Variants in TMEM67 observed in about 807,000 individuals in gnomAD.
TMEM67 encodes transmembrane protein 67.
A neutral mutation model predicts 136.6 loss-of-function variants in TMEM67; 124 were observed. The ratio of observed to expected loss-of-function variants is 0.91; its 90% confidence interval spans 0.78 to 1.05. The LOEUF is 1.05. Ranked by LOEUF, TMEM67 falls within the 50% of genes least tolerant of loss-of-function variation. The pLI is 0.00. For missense variants in TMEM67, 1,107 were observed against 1,178.4 expected (o/e 0.94, Z 0.89); for synonymous variants, 364 against 390.5 (o/e 0.93, Z 0.80).
At chr8:93,822,613 A>G (rs1809057394), downstream of TMEM67, among the ~76,000 whole-genome samples, 1 of 152,144 alleles carries the variant, frequency 6.6e-6, no homozygotes, top group Non-Finnish European at 1.5e-5. Flanking sequence ...CATTCTCCCC[A>G]TCTTCCACTT....
chr8:93,766,928 T>G, intron 6 of TMEM67, among the ~76,000 whole-genome samples: 1 of 152,226 alleles, frequency 6.6e-6, no homozygotes, highest in Non-Finnish European at 1.5e-5. Flanking sequence ...CTTCTCCAGA[T>G]TGGAGTGAAT....
At chr8:93,781,908 T>C (rs1469314028) in intron 10 of TMEM67, among the ~76,000 whole-genome samples, 164 bp downstream of exon 10, 2 of 151,394 alleles carry the variant, frequency 1.3e-5, no homozygotes, top group African/African-American at 4.9e-5. Flanking sequence ...TGTTTGTTTG[T>C]TTGTTTGTTT....
chr8:93,816,376 T>G lies in TMEM67; in HGVS notation c.2912T>G (p.Phe971Cys), dbSNP rs1299643188. The G allele has an allele frequency of 6.6e-7, 1 of 1,513,688 alleles. No individual in the cohort carries two copies. Among genetic ancestry groups the G allele is most frequent in the African/African-American group, 1.4e-5 (1 of 72,588 alleles). The allele number at this position is 1,513,688 out of a possible 1,614,324, so 93.8% of individuals were successfully genotyped here. A position where few individuals can be genotyped will look rare whatever the true frequency, so the allele number is the denominator to read the frequency against. Reference sequence around the variant, plus strand: ...TGAATTGTTTTAATTTTCCAGATTTTTAGATATATCCGTAATACAGTAGGA... The same window carrying G: ...TGAATTGTTTTAATTTTCCAGATTTGTAGATATATCCGTAATACAGTAGGA... ...SFLTYLQQEIFRYIRNTVGQK... is the reference protein window; with the variant it reads ...SFLTYLQQEICRYIRNTVGQK... The change falls in exon 28 of 28, where the codon TTT becomes TGT. Residue 971 changes from phenylalanine to cysteine, a missense_variant. Coordinates refer to ENST00000453321, the MANE Select transcript of TMEM67 (RefSeq NM_153704.6).
At chr8:93,800,064 C>T (rs989575279) in intron 21 of TMEM67, among the ~76,000 whole-genome samples, 4 of 152,000 alleles carry the variant, frequency 2.6e-5, no homozygotes, top group African/African-American at 7.2e-5. Context: ...CCCACCACTA[C>T]ATCCAGATAA....
chr8:93,826,359 G>C, the TMEM67 span, among the ~76,000 whole-genome samples: 1 of 151,874 alleles, frequency 6.6e-6, no homozygotes, highest in African/African-American at 2.4e-5. Flanking sequence ...TTGATCTCCT[G>C]ACCTCATGAT....
At chr8:93,803,399 C>G (rs1376470679) in intron 21 of TMEM67, among the ~76,000 whole-genome samples, 1 of 152,148 alleles carries the variant, frequency 6.6e-6, no homozygotes, top group African/African-American at 2.4e-5. Flanking sequence ...AAATAGGCTC[C>G]CTCAATGACT....
In TMEM67 at chr8:93,780,938, T is replaced by C. The variant is rs864622335; in HGVS notation, c.934T>C (p.Ser312Pro). ...AGGATTAGCACCTCAAGTGCTCAGTTCTACCTCTCTTCCTACAAATTTCAG... is the reference window on the plus strand; with the variant it reads ...AGGATTAGCACCTCAAGTGCTCAGTCCTACCTCTCTTCCTACAAATTTCAG... ...QLGLAPQVLSSTSLPTNFSFK... is the reference protein window; with the variant it reads ...QLGLAPQVLSPTSLPTNFSFK... Residue 312 changes from serine to proline, a missense_variant, in exon 9 of 28, where the codon TCT becomes CCT. By Grantham distance (74) the Ser-to-Pro change is moderately conservative. Coordinates refer to ENST00000453321, the MANE Select transcript of TMEM67 (RefSeq NM_153704.6). 11 of 1,612,088 alleles carry C rather than the reference T, an allele frequency of 6.8e-6. No homozygotes were observed. The highest frequency in any genetic ancestry group is 8.5e-6 in the Non-Finnish European group (10 of 1,179,732).
rs1022482691 is a variant in TMEM67, at chr8:93,815,664, A to G, written c.2907+217A>G. On this transcript the variant is annotated intron_variant, in intron 27 of 27. Transcript: ENST00000453321. ...GAAATACTGGGGTCTAGTGGAGGGC[A>G]TAAGTTGCTTGATTATACATGGAAG... Among the ~76,000 whole-genome samples, 5 of 152,224 alleles carry G rather than the reference A, an allele frequency of 3.3e-5. No individual in the cohort carries two copies. Among genetic ancestry groups the G allele is most frequent in the African/African-American group, 4.8e-5 (2 of 41,464 alleles).
chr8:93,785,112 A>T, intron 11 of TMEM67, 110 bp from the exon 12 acceptor site: 2 of 769,298 alleles, frequency 2.6e-6, no homozygotes, highest in South Asian at 1.6e-5. Context: ...CACTCTGAAG[A>T]TAATAAATAT....
At chr8:93,768,272 A>G (rs1270700780) in intron 6 of TMEM67, among the ~76,000 whole-genome samples, 2 of 124,220 alleles carry the variant, frequency 1.6e-5, no homozygotes, top group African/African-American at 7.3e-5. Context: ...ATATACACAT[A>G]CATACATACA....
chr8:93,795,666 C>T (rs577929495), intron 17 of TMEM67, among the ~76,000 whole-genome samples, 159 bp downstream of exon 17: 2 of 152,256 alleles, frequency 1.3e-5, no homozygotes, highest in African/African-American at 4.8e-5. Flanking sequence ...TTATCGATTA[C>T]ATCACTATCT....
At chr8:93,815,269 A>G (rs575621737) in intron 26 of TMEM67, 36 bp from the exon 27 acceptor site, 47 of 1,415,356 alleles carry the variant, frequency 3.3e-5, no homozygotes, top group Middle Eastern at 2.4e-4. Flanking sequence ...TCCTTTTTTA[A>G]ATTTCTAATT....
intron 11 of TMEM67, among the ~76,000 whole-genome samples, chr8:93,783,642 G>A (rs377708862): frequency 2.0e-5 from 3 of 152,106 alleles, no homozygotes; most frequent in Non-Finnish European, 4.4e-5. Context: ...AAACACATCC[G>A]AGACTGGGTA....
At chr8:93,814,278 T>C (rs1185133637) in intron 26 of TMEM67, among the ~76,000 whole-genome samples, 1 of 151,600 alleles carries the variant, frequency 6.6e-6, no homozygotes, top group Non-Finnish European at 1.5e-5. Context: ...TAGCTGGGAC[T>C]ACAGGCGCCC....
intron 6 of TMEM67, among the ~76,000 whole-genome samples, chr8:93,769,780 A>C (rs1384665746): frequency 6.6e-6 from 1 of 152,224 alleles, no homozygotes; most frequent in Non-Finnish European, 1.5e-5. Flanking sequence ...AAACCAGAAT[A>C]CATGTTTATT....
chr8:93,787,141 C>G (rs989222268), intron 13 of TMEM67, among the ~76,000 whole-genome samples: 4 of 152,132 alleles, frequency 2.6e-5, no homozygotes, highest in African/African-American at 9.7e-5. Flanking sequence ...CATGCTGGCC[C>G]CTAGTGATTG....
At chr8:93,793,131 T>G (rs1586063254) in intron 15 of TMEM67, 67 bp from the exon 16 acceptor site, 1 of 1,426,998 alleles carries the variant, frequency 7.0e-7, no homozygotes, top group East Asian at 2.3e-5. Flanking sequence ...TCCTTACTTG[T>G]TCACAGTGTT....
intron 22 of TMEM67, 149 bp from the exon 23 acceptor site, chr8:93,804,613 C>T (rs1193331801): frequency 1.9e-5 from 9 of 481,118 alleles, no homozygotes; most frequent in Non-Finnish European, 3.3e-5. Context: ...ACCTTATTAT[C>T]CTTCATTACT....
chr8:93,787,141 C>T lies in TMEM67; in HGVS notation c.1413-703C>T, dbSNP rs989222268. Among the ~76,000 whole-genome samples, 4 of 152,132 alleles carry T rather than the reference C, an allele frequency of 2.6e-5. 1 individual carries two copies. The highest frequency in any genetic ancestry group is 4.1e-4 in the South Asian group (2 of 4,830). On this transcript the variant is annotated intron_variant, in intron 13 of 27. Transcript: ENST00000453321. The stretch of plus-strand genomic sequence containing the variant: ...TGTTCTTGATGAAACCATGCTGGCC[C>T]CTAGTGATTGGCACTTTCCTTTTTG...
Sources: gnomAD v4.1 joint callset for allele counts (sites outside exome capture counted in the v4.1 genomes callset) on GRCh38, gnomAD v4.1.1 for gene constraint, MANE v1.5 for transcripts, NCBI Gene and HGNC (gene_info 2026-07-23, HGNC 2026-07-21) for gene names.